The following LIPI variants were observed in gnomAD, a reference collection of about 807,000 sequenced individuals.
LIPI encodes lipase I, also known as lipase member I.
Under a neutral mutation model 50.6 loss-of-function variants are expected in LIPI, and 59 were observed. The observed-to-expected ratio is 1.16, with a 90% CI of 0.94 to 1.45. The LOEUF (loss-of-function observed/expected upper bound fraction) is 1.45. LIPI is among the 40% of genes most tolerant of loss of function. The pLI is 0.00. For synonymous variants in LIPI, 203 were observed against 178.2 expected, an observed-to-expected ratio of 1.14 and a Z score of -1.11; for missense variants, 586 against 536.3, an observed-to-expected ratio of 1.09 and a Z score of -0.92.
chr21:14,145,483 T>C (rs978612499), intron 8 of LIPI, among the ~76,000 whole-genome samples: 3 of 152,116 alleles, frequency 2.0e-5, no homozygotes, highest in Non-Finnish European at 4.4e-5. Flanking sequence ...CCTGGAGTCA[T>C]TTATCTCAAC....
Position 14,166,923 on chromosome 21 carries a change from G to A in LIPI, c.644-472C>T, listed in dbSNP as rs188166255. Among the ~76,000 whole-genome samples, 241 of 152,332 alleles carry A rather than the reference G, an allele frequency of 1.6e-3. 1 individual carries two copies. Among genetic ancestry groups the A allele is most frequent in the Middle Eastern group, 3.4e-3 (1 of 294 alleles). ...AGCAGGGTGAGGCATTACCTTACTC[G>A]GGAAGCACAAGGGATCAGGGAGTTC... On this transcript the variant is annotated intron_variant, in intron 4 of 9. Transcript: ENST00000681601.
chr21:14,110,932 A>G (rs1457374679), intron 9 of LIPI, among the ~76,000 whole-genome samples: 1 of 148,184 alleles, frequency 6.7e-6, no homozygotes, highest in Admixed American at 6.8e-5. Context: ...TATAGTATAT[A>G]CCATATACTA....
At chr21:14,204,390 T>A (rs2020166407) in intron 1 of LIPI, among the ~76,000 whole-genome samples, 1 of 151,812 alleles carries the variant, frequency 6.6e-6, no homozygotes, top group African/African-American at 2.4e-5. Flanking sequence ...AAAAAAGAAA[T>A]TTTTAAAAAT....
At chr21:14,127,932 G>T (rs1181502290) in intron 9 of LIPI, among the ~76,000 whole-genome samples, 1 of 152,000 alleles carries the variant, frequency 6.6e-6, no homozygotes, top group East Asian at 1.9e-4. Flanking sequence ...GGGGAAAAAT[G>T]AAGGATCCAA....
At chr21:14,147,654 T>G (rs758989633) in intron 8 of LIPI, among the ~76,000 whole-genome samples, 23 of 152,202 alleles carry the variant, frequency 1.5e-4, no homozygotes, top group Non-Finnish European at 3.2e-4. Flanking sequence ...TAATTTGTAA[T>G]GAATGGATTA....
At chr21:14,114,380 A>C (rs13050985) in intron 9 of LIPI, among the ~76,000 whole-genome samples, 33,549 of 152,024 alleles carry the variant, frequency 0.22, 4,442 homozygotes, top group African/African-American at 0.36. Context: ...CAGTGGCTCT[A>C]ACAAAACAAG....
intron 8 of LIPI, among the ~76,000 whole-genome samples, chr21:14,150,396 T>C (rs2018048177): frequency 6.6e-6 from 1 of 152,208 alleles, no homozygotes; most frequent in Non-Finnish European, 1.5e-5. Context: ...CTTCCTTGAT[T>C]CTTCTCTGGG....
chr21:14,164,593 G>T (rs2018610095), intron 6 of LIPI, among the ~76,000 whole-genome samples: 1 of 152,144 alleles, frequency 6.6e-6, no homozygotes, highest in Admixed American at 6.6e-5. Flanking sequence ...CTCATGGCAT[G>T]CTTGGATCTG....
intron 9 of LIPI, among the ~76,000 whole-genome samples, chr21:14,134,502 G>A (rs924921109): frequency 1.3e-5 from 2 of 152,058 alleles, no homozygotes; most frequent in African/African-American, 4.8e-5. Context: ...TAAGCAAAAA[G>A]AACAAAGTTG....
At chr21:14,194,448 A>G (rs59390056) in intron 1 of LIPI, among the ~76,000 whole-genome samples, 2,598 of 152,286 alleles carry the variant, frequency 0.017, 77 homozygotes, top group African/African-American at 0.059. Context: ...AGATATCTAG[A>G]ATGGAATATT....
At chr21:14,205,939 T>C (rs2020214539) in intron 1 of LIPI, among the ~76,000 whole-genome samples, 1 of 152,092 alleles carries the variant, frequency 6.6e-6, no homozygotes, top group Non-Finnish European at 1.5e-5. Context: ...GAATTTTATT[T>C]CCAAAGATGT....
chr21:14,141,895 T>C (rs532294274), intron 9 of LIPI, among the ~76,000 whole-genome samples: 9 of 152,354 alleles, frequency 5.9e-5, no homozygotes, highest in African/African-American at 2.2e-4. Flanking sequence ...GTATTTATGA[T>C]ACCACAGGGA....
chr21:14,119,452 G>A (rs1115649), intron 9 of LIPI, among the ~76,000 whole-genome samples: 72,758 of 152,016 alleles, frequency 0.48, 17,658 homozygotes, highest in South Asian at 0.54. Context: ...GGAGCAAAAG[G>A]AGACTGTCTG....
intron 1 of LIPI, among the ~76,000 whole-genome samples, chr21:14,207,262 T>C (rs772128319): frequency 6.6e-6 from 1 of 152,172 alleles, no homozygotes; most frequent in African/African-American, 2.4e-5. Flanking sequence ...AGAATGACTA[T>C]AGTTAACAAT....
At chr21:14,136,674 A>G (rs1007842790) in intron 9 of LIPI, among the ~76,000 whole-genome samples, 33 of 152,200 alleles carry the variant, frequency 2.2e-4, no homozygotes, top group Admixed American at 9.2e-4. Context: ...ACAGGTCTGA[A>G]CGGCTTGGCC....
intron 4 of LIPI, among the ~76,000 whole-genome samples, chr21:14,172,386 T>C (rs1375978513): frequency 1.3e-5 from 2 of 152,246 alleles, no homozygotes; most frequent in Non-Finnish European, 2.9e-5. Flanking sequence ...CAAAGGACTA[T>C]AAATCATGCT....
At chr21:14,155,224 C>G (rs1338127646) in intron 7 of LIPI, among the ~76,000 whole-genome samples, 1 of 151,854 alleles carries the variant, frequency 6.6e-6, no homozygotes, top group Non-Finnish European at 1.5e-5. Flanking sequence ...ACATGATATA[C>G]TCAATAGTGA....
intron 7 of LIPI, among the ~76,000 whole-genome samples, chr21:14,162,145 C>A (rs1195568369): frequency 6.7e-6 from 1 of 149,704 alleles, no homozygotes; most frequent in Non-Finnish European, 1.5e-5. Context: ...ACTACTCAGC[C>A]ACTAAAAGTA....
chr21:14,146,772 A>ATTTTTTTT lies in LIPI; in HGVS notation c.1119-1981_1119-1974dup, dbSNP rs3048482. On this transcript the variant is annotated intron_variant, in intron 8 of 9. Transcript: ENST00000681601. ...TCTCTTTCTTACTTTCCCAGTCTCTATTTTTTTTTTTTTTTTTTTTTTTTT... is the reference window on the plus strand; with the variant it reads ...TCTCTTTCTTACTTTCCCAGTCTCTATTTTTTTTTTTTTTTTTTTTTTTTTTTTTTTTT... 7.5e-3 allele frequency among the ~76,000 whole-genome samples: 554 copies of ATTTTTTTT among 73,378 alleles called. 108 individuals are homozygous for ATTTTTTTT. The highest frequency in any genetic ancestry group is 0.011 in the African/African-American group (185 of 16,544). The allele number at this position is 73,378 out of a possible 152,430, so 48.1% of individuals were successfully genotyped here.
Sources: gnomAD v4.1 joint callset for allele counts (sites outside exome capture counted in the v4.1 genomes callset) on GRCh38, gnomAD v4.1.1 for gene constraint, MANE v1.5 for transcripts, NCBI Gene and HGNC (gene_info 2026-07-23, HGNC 2026-07-21) for gene names.